The following SGSM1 variants were observed in gnomAD, a reference collection of about 807,000 sequenced individuals.
The protein encoded by SGSM1 is RUN and TBC1 domain containing 2.
In SGSM1, 73 loss-of-function variants were observed where a neutral mutation model predicts 133.8. The ratio of observed to expected loss-of-function variants is 0.55; its 90% CI spans 0.45 to 0.66. The LOEUF (loss-of-function observed/expected upper bound fraction) is 0.66. Ranked by LOEUF, SGSM1 falls within the 30% of genes least tolerant of loss-of-function variation. SGSM1 has a pLI of 0.00. For missense variants in SGSM1, 1,213 were observed against 1,448.1 expected (o/e 0.84, Z 2.64); for synonymous variants, 563 against 573.0 (o/e 0.98, Z 0.25).
At chr22:24,911,618 A>G (rs1375649333) in intron 21 of SGSM1, among the ~76,000 whole-genome samples, 1 of 152,128 alleles carries the variant, frequency 6.6e-6, no homozygotes, top group Non-Finnish European at 1.5e-5. Flanking sequence ...ATATACCCTT[A>G]TGATGTGATT....
At chr22:24,921,126 G>T (rs1306267421) in intron 24 of SGSM1, among the ~76,000 whole-genome samples, 1 of 150,244 alleles carries the variant, frequency 6.7e-6, no homozygotes. Context: ...TTGAGACGGA[G>T]TCTCACTCTG....
At chr22:24,906,784 A>T (rs944380134) in intron 21 of SGSM1, among the ~76,000 whole-genome samples, 1 of 150,936 alleles carries the variant, frequency 6.6e-6, no homozygotes, top group African/African-American at 2.4e-5. Flanking sequence ...AATAAAACAT[A>T]AAAAAAAGTA....
At chr22:24,895,186 C>T in intron 17 of SGSM1, 37 bp from the exon 18 acceptor site, 3 of 1,579,206 alleles carry the variant, frequency 1.9e-6, no homozygotes, top group Non-Finnish European at 2.6e-6. Flanking sequence ...CAGGGTGCAG[C>T]CTCACCCTCC....
rs566439576 is a variant in SGSM1, at chr22:24,811,378, T to C, written c.63+4894T>C. ...TACGAATGTACTGTTCTTGAACAAC[T>C]CATTCTTACTGCTTTTAGATTGTCT... On this transcript the variant is annotated intron_variant, in intron 2 of 24. Coordinates refer to ENST00000400358, the MANE Select transcript of SGSM1 (RefSeq NM_001098497.3). Among the ~76,000 whole-genome samples, 221 of 152,188 alleles carry C rather than the reference T, an allele frequency of 1.5e-3. 1 individual carries two copies. The highest frequency in any genetic ancestry group is 2.6e-3 in the Non-Finnish European group (176 of 67,998).
Position 24,927,427 on chromosome 22 carries a change from G to A in SGSM1, c.*3153G>A, listed in dbSNP as rs1934237483. The A allele has an allele frequency of 6.6e-6, 1 of 152,198 alleles. No individual in the cohort carries two copies. Among genetic ancestry groups the A allele is most frequent in the African/African-American group, 2.4e-5 (1 of 41,444 alleles). The allele number at this position is 152,198 out of a possible 1,614,324, so 9.4% of individuals were successfully genotyped here. On this transcript the variant is annotated 3_prime_UTR_variant, in exon 25 of 25. Coordinates refer to ENST00000400358, the MANE Select transcript of SGSM1 (RefSeq NM_001098497.3). ...TCACATGACTCAGCCCAGCTTCATA[G>A]GGTAGGGAAATAGACTGTACTTCCT...
At chr22:24,811,347 A>G (rs541185807) in intron 2 of SGSM1, among the ~76,000 whole-genome samples, 1 of 151,864 alleles carries the variant, frequency 6.6e-6, no homozygotes, top group African/African-American at 2.4e-5. Flanking sequence ...CTCTAGGCTA[A>G]TTTGATACGA....
intron 2 of SGSM1, among the ~76,000 whole-genome samples, chr22:24,809,215 G>A (rs1927593419): frequency 6.6e-6 from 1 of 152,190 alleles, no homozygotes; most frequent in African/African-American, 2.4e-5. Context: ...GTGTCAGAGA[G>A]CCAGTCTCTA....
intron 12 of SGSM1, chr22:24,874,307 G>A: frequency 8.6e-7 from 1 of 1,164,116 alleles, no homozygotes; most frequent in Non-Finnish European, 1.2e-6. Context: ...TGTGGAGCCG[G>A]GAAGGGGGAG....
At chr22:24,905,247 A>T in intron 21 of SGSM1, 60 bp downstream of exon 21, 1 of 1,499,734 alleles carries the variant, frequency 6.7e-7, no homozygotes, top group Admixed American at 1.7e-5. Flanking sequence ...TGCATGGCAG[A>T]AGGCTTAATC....
At chr22:24,858,635 C>CA (rs139699) in intron 8 of SGSM1, among the ~76,000 whole-genome samples, 1,097 of 82,494 alleles carry the variant, frequency 0.013, 15 homozygotes, top group African/African-American at 0.025. Context: ...GACTCCATCT[C>CA]AAAAAAAAAA....
intron 21 of SGSM1, among the ~76,000 whole-genome samples, chr22:24,909,770 A>C (rs1365607069): frequency 2.0e-5 from 3 of 152,072 alleles, no homozygotes; most frequent in Non-Finnish European, 4.4e-5. Flanking sequence ...TGGCCACTTT[A>C]AAAAACAGTC....
chr22:24,854,627 C>A (rs183189795), intron 5 of SGSM1, among the ~76,000 whole-genome samples: 1 of 152,142 alleles, frequency 6.6e-6, no homozygotes, highest in Non-Finnish European at 1.5e-5. Flanking sequence ...GCCTGGGCAA[C>A]ATAATGAGAC....
chr22:24,814,752 C>G (rs1927967348), intron 2 of SGSM1, among the ~76,000 whole-genome samples: 1 of 152,226 alleles, frequency 6.6e-6, no homozygotes, highest in Non-Finnish European at 1.5e-5. Context: ...CTTGCTGTCT[C>G]TAGGTAAGCC....
chr22:24,870,124 C>A (rs1931694604), intron 12 of SGSM1, among the ~76,000 whole-genome samples: 1 of 152,206 alleles, frequency 6.6e-6, no homozygotes. Flanking sequence ...GGCTGGAACC[C>A]CTTAAGCGCT....
intron 2 of SGSM1, among the ~76,000 whole-genome samples, chr22:24,824,758 G>A (rs192975248): frequency 6.6e-6 from 1 of 152,210 alleles, no homozygotes; most frequent in East Asian, 1.9e-4. Context: ...ACCACCTTCA[G>A]GAAGCCCTCC....
rs906773907 is a variant in SGSM1, at chr22:24,883,606, T to G, written c.1496-447T>G. On this transcript the variant is annotated intron_variant, in intron 14 of 24. Transcript: ENST00000400358. ...GCCAGCAAGTGCATAAAGCTCTGTC[T>G]TCCTTGTCTGGAAAAGGGGAAGTTG... Among the ~76,000 whole-genome samples the G allele has an allele frequency of 2.0e-5, 3 of 152,206 alleles. No individual in the cohort carries two copies. The South Asian group carries it at 6.2e-4, about 31-fold the overall frequency.
chr22:24,863,112 A>G (rs1335995977), intron 9 of SGSM1, among the ~76,000 whole-genome samples: 1 of 152,136 alleles, frequency 6.6e-6, no homozygotes, highest in Non-Finnish European at 1.5e-5. Flanking sequence ...TTTCTGCATC[A>G]TCTTTCGCTG....
intron 14 of SGSM1, among the ~76,000 whole-genome samples, chr22:24,880,845 G>A (rs1240335443): frequency 2.6e-5 from 4 of 152,196 alleles, no homozygotes; most frequent in Non-Finnish European, 4.4e-5. Context: ...CCAGCGATGC[G>A]ACTTGGGCAA....
At chr22:24,835,743 A>G (rs951370394) in intron 2 of SGSM1, among the ~76,000 whole-genome samples, 3 of 151,938 alleles carry the variant, frequency 2.0e-5, no homozygotes, top group African/African-American at 7.3e-5. Context: ...CTGTGTGTGT[A>G]GAGCAGGTGT....
Sources: gnomAD v4.1 joint callset for allele counts (sites outside exome capture counted in the v4.1 genomes callset) on GRCh38, gnomAD v4.1.1 for gene constraint, MANE v1.5 for transcripts, NCBI Gene and HGNC (gene_info 2026-07-23, HGNC 2026-07-21) for gene names.